Variants in OR10A3 observed in about 807,000 individuals in gnomAD.
OR10A3 encodes olfactory receptor 10A3.
OR10A3 carries 1 observed loss-of-function variant against 1.5 expected under a neutral mutation model. That is an observed-to-expected ratio of 0.66 (90% CI 0.23 to 3.11). The LOEUF is 3.11. OR10A3 is among the 30% of genes most tolerant of loss of function. OR10A3 has a pLI of 0.21. For missense variants in OR10A3, 398 were observed against 369.7 expected, an observed-to-expected ratio of 1.08 and a Z score of -0.63; for synonymous variants, 145 against 143.7, an observed-to-expected ratio of 1.01 and a Z score of -0.06.
intron 1 of OR10A3, among the ~76,000 whole-genome samples, chr11:7,940,918 G>A (rs1432206794): frequency 1.3e-5 from 2 of 152,150 alleles, no homozygotes; most frequent in Non-Finnish European, 2.9e-5. Context: ...GAGGAAGCCA[G>A]GAGGAGAGGA....
In OR10A3 at chr11:7,939,408, G is replaced by A; in HGVS notation, c.113C>T (p.Thr38Ile). The change falls in exon 2 of 2, where the codon ACC (threonine) becomes ATC (isoleucine). Residue 38 changes from threonine to isoleucine, a missense_variant. By Grantham distance (89) the Thr-to-Ile change is moderately conservative. Coordinates refer to ENST00000642047, the MANE Select transcript of OR10A3 (RefSeq NM_001003745.2). ...TGTAATGATGGCATTTCCCATCAGG[G>A]TCACCACATAAATAACTAGGAAAAC... ...FGVFLVIYVV[T>I]LMGNAIITVI... is the part of the protein sequence containing the mutation. 1 of 1,613,936 alleles carries A rather than the reference G, an allele frequency of 6.2e-7. No individual in the cohort carries two copies. Among genetic ancestry groups the A allele is most frequent in the Non-Finnish European group, 8.5e-7 (1 of 1,179,896 alleles).
intron 1 of OR10A3, 127 bp from the exon 2 acceptor site, chr11:7,939,825 A>G (rs1941418506): frequency 3.4e-6 from 1 of 295,386 alleles, no homozygotes; most frequent in African/African-American, 2.2e-5. Context: ...TCCTCTCTTA[A>G]TGCCAAGTTC....
At position 7,938,644 on chromosome 11, in the gene OR10A3, G is replaced by A. The variant is rs151285056; in HGVS notation, c.877C>T (p.Arg293Ter). The A allele has an allele frequency of 6.3e-5, 102 of 1,613,976 alleles. No homozygotes were observed. Among genetic ancestry groups the A allele is most frequent in the Middle Eastern group, 4.9e-4 (3 of 6,062 alleles). The change falls in exon 2 of 2, where the codon CGA becomes TGA. Residue 293 changes from arginine (R) to a stop codon, truncating the protein, a stop_gained. Transcript: ENST00000642047. LOFTEE classifies it high-confidence loss of function. ...AAAGTCCTCTTCATCTCACTGTTTC[G>A]TAAGCTATAGATGAGCGGATTGAGC... ...PLLNPLIYSL[R>*]NSEMKRTLIK...
chr11:7,941,361 GT>G (rs751910876), intron 1 of OR10A3, among the ~76,000 whole-genome samples: 1 of 152,198 alleles, frequency 6.6e-6, no homozygotes, highest in East Asian at 1.9e-4. Context: ...TCACTGATAT[GT>G]TCTACTGGCT....
At position 7,939,080 on chromosome 11, in the gene OR10A3, G is replaced by A. The variant is rs2133620793; in HGVS notation, c.441C>T (p.Phe147=). The A allele has an allele frequency of 6.2e-7, 1 of 1,614,032 alleles. No homozygotes were observed. Among genetic ancestry groups the A allele is most frequent in the Middle Eastern group, 1.6e-4 (1 of 6,062 alleles). The stretch of plus-strand genomic sequence containing the variant: ...CCACCATGATCCCTGAGATCCATGA[G>A]AATATTACTAATTTCATAAAAACCC... ...NRGVFMKLVI[F]SWISGIMVAT... The change falls in exon 2 of 2, where the codon TTC becomes TTT. Residue 147 remains phenylalanine (F), a synonymous_variant. Transcript: ENST00000642047.
rs1941409274 is a variant in OR10A3 at position 7,939,490 on chromosome 11, C to A, written c.31G>T (p.Glu11Ter). The change falls in exon 2 of 2, where the codon GAA becomes TAA. Residue 11 changes from glutamate (E) to a stop codon, truncating the protein, a stop_gained. Coordinates refer to ENST00000642047, the MANE Select transcript of OR10A3 (RefSeq NM_001003745.2). LOFTEE classifies it low-confidence loss of function (END_TRUNC). ...TTAGAAAAGCCCAGGAGGATGAATT[C>A]AACCACACAGCTTTGATTTTGTCTT... Reference protein sequence around the residue: MKRQNQSCVVEFILLGFSNFP... With the variant: MKRQNQSCVV 2 of 1,579,060 alleles carry A rather than the reference C, an allele frequency of 1.3e-6. No individual in the cohort carries two copies. Among genetic ancestry groups the A allele is most frequent in the Non-Finnish European group, 8.5e-7 (1 of 1,169,602 alleles).
chr11:7,941,591 G>T lies in OR10A3; in HGVS notation c.-183C>A, dbSNP rs1440345679. The T allele has an allele frequency of 6.6e-6, 1 of 152,116 alleles. No homozygotes were observed. The highest frequency in any genetic ancestry group is 1.5e-5 in the Non-Finnish European group (1 of 68,028). 9.4% of individuals were successfully genotyped at this position (152,116 alleles called of 1,614,324 possible). ...CACAGCAATTGACTTTCTTACCTGA[G>T]CATTGAGTTATCACTTGATAAGTAT... On this transcript the variant is annotated 5_prime_UTR_variant, in exon 1 of 2. Transcript: ENST00000642047.
Position 7,938,673 on chromosome 11 carries a change from G to A in OR10A3, c.848C>T (p.Pro283Leu), listed in dbSNP as rs1941390170. The A allele has an allele frequency of 2.5e-6, 4 of 1,614,182 alleles. No homozygotes were observed. The highest frequency in any genetic ancestry group is 3.4e-6 in the Non-Finnish European group (4 of 1,180,030). The change falls in exon 2 of 2, where the codon CCT becomes CTT. Residue 283 changes from proline (P) to leucine (L), a missense_variant. Coordinates refer to ENST00000642047, the MANE Select transcript of OR10A3 (RefSeq NM_001003745.2). Reference sequence around the variant, plus strand: ...GCTATAGATGAGCGGATTGAGCAGAGGGGTAAGCAACGTGTAAGCCAATGA... The same window carrying A: ...GCTATAGATGAGCGGATTGAGCAGAAGGGTAAGCAACGTGTAAGCCAATGA... ...LISLAYTLLT[P>L]LLNPLIYSLR...
Position 7,939,183 on chromosome 11 carries a change from A to C in OR10A3, c.338T>G (p.Phe113Cys). The C allele has an allele frequency of 6.2e-7, 1 of 1,614,226 alleles. No individual in the cohort carries two copies. Reference sequence around the variant, plus strand: ...GTCATAAGCCATCGCTCCCAGGAGAAAACATTCAGTCCCACCAAAAAGAAG... The same window carrying C: ...GTCATAAGCCATCGCTCCCAGGAGACAACATTCAGTCCCACCAAAAAGAAG... ...FILLFGGTEC[F>C]LLGAMAYDRF... Residue 113 changes from phenylalanine (F) to cysteine (C), a missense_variant, in exon 2 of 2, where the codon TTT (phenylalanine) becomes TGT (cysteine). Phe to Cys is a radical substitution (Grantham distance 205). Transcript: ENST00000642047.
At chr11:7,940,753 G>A (rs1429354269) in intron 1 of OR10A3, among the ~76,000 whole-genome samples, 1 of 152,136 alleles carries the variant, frequency 6.6e-6, no homozygotes, top group African/African-American at 2.4e-5. Flanking sequence ...GATGACAAGG[G>A]TGGAAGGTCC....
Position 7,938,972 on chromosome 11 carries a change from CG to C in OR10A3, c.548del (p.Pro183ArgfsTer3). On this transcript the variant is annotated frameshift_variant, in exon 2 of 2. Coordinates refer to ENST00000642047, the MANE Select transcript of OR10A3 (RefSeq NM_001003745.2). LOFTEE classifies it high-confidence loss of function. ...TGTCTGCACACACAAGCTCTAGTAC[CG>C]GGGGAGTCTCACAGAAGAGATGATT... ...EINHLFCETP[P>X]VLELVCADTF... 1 of 1,614,052 alleles carries C rather than the reference CG, an allele frequency of 6.2e-7. No homozygotes were observed. Among genetic ancestry groups the C allele is most frequent in the Non-Finnish European group, 8.5e-7 (1 of 1,179,990 alleles).
In OR10A3 at chr11:7,938,655, A is replaced by G. The variant is rs371749982; in HGVS notation, c.866T>C (p.Ile289Thr). Residue 289 changes from isoleucine (I) to threonine (T), a missense_variant, in exon 2 of 2, where the codon ATC becomes ACC. Coordinates refer to ENST00000642047, the MANE Select transcript of OR10A3 (RefSeq NM_001003745.2). ...CATCTCACTGTTTCGTAAGCTATAG[A>G]TGAGCGGATTGAGCAGAGGGGTAAG... ...TLLTPLLNPLIYSLRNSEMKR... is the reference protein window; with the variant it reads ...TLLTPLLNPLTYSLRNSEMKR... The G allele has an allele frequency of 2.5e-6, 4 of 1,614,098 alleles. No individual in the cohort carries two copies. Among genetic ancestry groups the G allele is most frequent in the Middle Eastern group, 1.6e-4 (1 of 6,084 alleles).
In OR10A3 at chr11:7,938,789, G is replaced by A; in HGVS notation, c.732C>T (p.His244=). Residue 244 remains histidine, a synonymous_variant, in exon 2 of 2, where the codon CAC becomes CAT. Transcript: ENST00000642047. The part of the protein sequence containing the change: ...RQKAFSTCAS[H]LTSVTLFYGT... ...CATAGAACAGGGTCACAGATGTGAGGTGAGAGGCACAGGTGGAAAAGGCCT... is the reference window on the plus strand; with the variant it reads ...CATAGAACAGGGTCACAGATGTGAGATGAGAGGCACAGGTGGAAAAGGCCT... The A allele has an allele frequency of 2.5e-6, 4 of 1,614,218 alleles. No individual in the cohort carries two copies. The highest frequency in any genetic ancestry group is 1.6e-4 in the Middle Eastern group (1 of 6,062).
At chr11:7,941,503 G>T (rs1274944614) in intron 1 of OR10A3, 84 bp downstream of exon 1, 2 of 152,112 alleles carry the variant, frequency 1.3e-5, no homozygotes, top group Non-Finnish European at 2.9e-5. Context: ...AGAATTGATG[G>T]TTTGTGCAAG....
chr11:7,937,351 T>A lies in OR10A3; in HGVS notation c.*1225A>T, dbSNP rs1256820763. 1 of 152,148 alleles carries A rather than the reference T, an allele frequency of 6.6e-6. No homozygotes were observed. The highest frequency in any genetic ancestry group is 6.5e-5 in the Admixed American group (1 of 15,274). The allele number at this position is 152,148 out of a possible 1,614,324, so 9.4% of individuals were successfully genotyped here. ...TTAAGAACAATTGAGGGAGGTAACC[T>A]GGGAAGATAGGTGACCGGATATCTT... On this transcript the variant is annotated 3_prime_UTR_variant, in exon 2 of 2. Transcript: ENST00000642047.
In OR10A3 at chr11:7,939,482, G is replaced by A. The variant is rs751408980; in HGVS notation, c.39C>T (p.Ile13=). The change falls in exon 2 of 2, where the codon ATC becomes ATT. Residue 13 remains isoleucine (I), a synonymous_variant. Coordinates refer to ENST00000642047, the MANE Select transcript of OR10A3 (RefSeq NM_001003745.2). ...RQNQSCVVEF[I]LLGFSNFPEL... is the part of the protein sequence containing the mutation. ...CAGGAAAGTTAGAAAAGCCCAGGAG[G>A]ATGAATTCAACCACACAGCTTTGAT... 29 of 1,583,126 alleles carry A rather than the reference G, an allele frequency of 1.8e-5. No individual in the cohort carries two copies. In the South Asian group the frequency reaches 2.9e-4, roughly 16 times the overall value.
rs1941376288 is a variant in OR10A3, at chr11:7,937,763, A to G, written c.*813T>C. 6.6e-6 allele frequency: 1 copy of G among 152,202 alleles called. No individual in the cohort carries two copies. The highest frequency in any genetic ancestry group is 2.1e-4 in the South Asian group (1 of 4,832). 9.4% of individuals were successfully genotyped at this position (152,202 alleles called of 1,614,324 possible). A position where few individuals can be genotyped will look rare whatever the true frequency, so the allele number is the denominator to read the frequency against. ...GAACAAATTTTCAATCCAAAAATAG[A>G]AACATCATCACCTTATTTGTTGGTC... On this transcript the variant is annotated 3_prime_UTR_variant, in exon 2 of 2. Transcript: ENST00000642047.
rs1037702241 is a variant in OR10A3 at position 7,939,002 on chromosome 11, T to A, written c.519A>T (p.Glu173Asp). 2 of 1,614,116 alleles carry A rather than the reference T, an allele frequency of 1.2e-6. No individual in the cohort carries two copies. Among genetic ancestry groups the A allele is most frequent in the Non-Finnish European group, 1.7e-6 (2 of 1,180,026 alleles). The part of the protein sequence containing the change: ...VFSFPFCGPN[E>D]INHLFCETPP... ...GAGTCTCACAGAAGAGATGATTAAT[T>A]TCATTGGGGCCACAAAATGGAAAAC... The change falls in exon 2 of 2, where the codon GAA becomes GAT. Residue 173 changes from glutamate (E) to aspartate (D), a missense_variant. Physicochemically the swap from Glu to Asp is conservative, Grantham distance 45. Transcript: ENST00000642047.
rs2133618373 is a variant in OR10A3 at position 7,937,277 on chromosome 11, A to G, written c.*1299T>C. On this transcript the variant is annotated 3_prime_UTR_variant, in exon 2 of 2. Coordinates refer to ENST00000642047, the MANE Select transcript of OR10A3 (RefSeq NM_001003745.2). ...ATGACACCCCTTCATTTAGCAGAAT[A>G]TGTATATCTAATCTTAACATCACAG... The G allele has an allele frequency of 6.6e-6, 1 of 152,350 alleles. No homozygotes were observed. The highest frequency in any genetic ancestry group is 2.1e-4 in the South Asian group (1 of 4,832). 9.4% of individuals were successfully genotyped at this position (152,350 alleles called of 1,614,324 possible). A position where few individuals can be genotyped will look rare whatever the true frequency, so the allele number is the denominator to read the frequency against.
Sources: allele counts gnomAD v4.1 joint callset (sites outside exome capture counted in the v4.1 genomes callset), GRCh38; gene constraint gnomAD v4.1.1; transcripts MANE v1.5; gene names NCBI Gene and HGNC (gene_info 2026-07-23, HGNC 2026-07-21).